SLK: variants seen among roughly 807,000 people sequenced by gnomAD.
SLK encodes STE20 like kinase, also known as STE20-like serine/threonine-protein kinase.
Under a neutral mutation model 147.7 loss-of-function variants are expected in SLK, and 67 were observed. The observed-to-expected ratio is 0.45, with a 90% CI of 0.37 to 0.56. SLK has a LOEUF of 0.56. SLK is among the 20% of genes least tolerant of loss of function. The pLI is 0.00. For missense variants in SLK, 1,136 were observed against 1,438.8 expected, an observed-to-expected ratio of 0.79 and a Z score of 3.41; for synonymous variants, 441 against 475.0, an observed-to-expected ratio of 0.93 and a Z score of 0.93.
At chr10:104,018,615 A>C (rs1451735494) in intron 14 of SLK, among the ~76,000 whole-genome samples, 169 bp from the exon 15 acceptor site, 1 of 152,224 alleles carries the variant, frequency 6.6e-6, no homozygotes, top group African/African-American at 2.4e-5. Context: ...GAAAGAGGTA[A>C]TAGATATTGC....
intron 1 of SLK, among the ~76,000 whole-genome samples, chr10:103,981,656 T>C (rs1843943774): frequency 6.8e-6 from 1 of 147,980 alleles, no homozygotes; most frequent in Admixed American, 6.7e-5. Context: ...CATTAGACCA[T>C]ATATATGCCA....
At chr10:104,005,885 TC>T (rs1219351924) in intron 10 of SLK, 26 bp from the exon 11 acceptor site, 1 of 1,582,070 alleles carries the variant, frequency 6.3e-7, no homozygotes, top group East Asian at 2.2e-5. Flanking sequence ...TGCTGTCTTC[TC>T]TATCATTACC....
intron 1 of SLK, among the ~76,000 whole-genome samples, chr10:103,968,417 T>C (rs1026496329): frequency 2.6e-5 from 4 of 152,198 alleles, no homozygotes; most frequent in African/African-American, 9.7e-5. Context: ...TACTATAAAA[T>C]AGAATGGAAT....
intron 13 of SLK, 57 bp downstream of exon 13, chr10:104,010,965 G>GAT (rs1421348399): frequency 3.7e-6 from 4 of 1,094,720 alleles, no homozygotes; most frequent in Admixed American, 2.9e-5. Context: ...CTCACAGCTT[G>GAT]ATAAACCATG....
intron 4 of SLK, among the ~76,000 whole-genome samples, chr10:103,995,429 T>C (rs956177955): frequency 1.5e-3 from 221 of 144,334 alleles, no homozygotes; most frequent in African/African-American, 4.7e-3. Context: ...TTTTCTTTTT[T>C]TTTTTTTTTT....
chr10:104,019,935 G>A lies in SLK; in HGVS notation c.3321+13G>A. The A allele has an allele frequency of 6.3e-7, 1 of 1,593,266 alleles. No homozygotes were observed. The highest frequency in any genetic ancestry group is 1.1e-5 in the South Asian group (1 of 89,808). On this transcript the variant is annotated intron_variant, in intron 16 of 18. Transcript: ENST00000369755. ...TAAAATTAAACAGGTAAATATGCAA[G>A]TTAGTCTCTTCTCTTTTAGGTTTAA...
At chr10:104,019,191 T>C (rs1284593549) in intron 15 of SLK, 7 of 271,086 alleles carry the variant, frequency 2.6e-5, no homozygotes, top group Admixed American at 5.0e-5. Flanking sequence ...TTTGGCTCTA[T>C]TTGTGGTTCA....
At chr10:103,971,879 C>T (rs1843798120) in intron 1 of SLK, among the ~76,000 whole-genome samples, 1 of 152,200 alleles carries the variant, frequency 6.6e-6, no homozygotes. Flanking sequence ...CCTCTTGCCT[C>T]CTTTCTGTAT....
Position 103,967,874 on chromosome 10 carries a change from A to G in SLK, c.129A>G (p.Gly43=). The G allele has an allele frequency of 6.2e-7, 1 of 1,607,150 alleles. No homozygotes were observed. ...AGATTATAGGAGAACTGGGCGACGGAGCCTTTGGGAAAGTGTACAAGGTAA... is the reference window on the plus strand; with the variant it reads ...AGATTATAGGAGAACTGGGCGACGGGGCCTTTGGGAAAGTGTACAAGGTAA... ...FWEIIGELGD[G]AFGKVYKAQN... is the part of the protein sequence containing the mutation. Residue 43 remains glycine (G), a synonymous_variant, in exon 1 of 19, where the codon GGA becomes GGG. Transcript: ENST00000369755.
intron 4 of SLK, among the ~76,000 whole-genome samples, chr10:103,995,015 G>T (rs1354394599): frequency 6.6e-6 from 1 of 151,876 alleles, no homozygotes; most frequent in Admixed American, 6.6e-5. Context: ...TGTCTTTTGG[G>T]GTTGCAAAAC....
intron 4 of SLK, among the ~76,000 whole-genome samples, chr10:103,998,489 T>G (rs1224574092): frequency 6.6e-6 from 1 of 152,334 alleles, no homozygotes; most frequent in African/African-American, 2.4e-5. Context: ...AGACATACAC[T>G]GTCCTAAAGG....
rs1844624488 is a variant in SLK at position 104,028,296 on chromosome 10, C to G, written c.*2576C>G. On this transcript the variant is annotated 3_prime_UTR_variant, in exon 19 of 19. Coordinates refer to ENST00000369755, the MANE Select transcript of SLK (RefSeq NM_014720.4). Reference sequence around the variant, plus strand: ...TCATCAGCCACCTCCTCCCCTCTTTCCCTGAGTGCTGTGAACACAGCAGAC... The same window carrying G: ...TCATCAGCCACCTCCTCCCCTCTTTGCCTGAGTGCTGTGAACACAGCAGAC... The G allele has an allele frequency of 6.6e-6, 1 of 152,252 alleles. No individual in the cohort carries two copies. Among genetic ancestry groups the G allele is most frequent in the Admixed American group, 6.5e-5 (1 of 15,290 alleles). The allele number at this position is 152,252 out of a possible 1,614,324, so 9.4% of individuals were successfully genotyped here.
chr10:103,972,991 T>C (rs1448323679), intron 1 of SLK, among the ~76,000 whole-genome samples: 1 of 152,186 alleles, frequency 6.6e-6, no homozygotes, highest in African/African-American at 2.4e-5. Context: ...GAGACCTGTC[T>C]TTTCATTCTC....
intron 18 of SLK, among the ~76,000 whole-genome samples, chr10:104,022,648 C>T (rs1844550841): frequency 1.3e-5 from 2 of 152,110 alleles, no homozygotes. Flanking sequence ...CACTCTGTCG[C>T]CCAGGCTGGA....
At chr10:104,005,766 A>C in intron 10 of SLK, 75 bp downstream of exon 10, 2 of 1,512,470 alleles carry the variant, frequency 1.3e-6, no homozygotes, top group Non-Finnish European at 1.8e-6. Context: ...AAGAATAGAG[A>C]AACAAGGGTA....
At chr10:103,980,398 T>A (rs1309750495) in intron 1 of SLK, among the ~76,000 whole-genome samples, 1 of 152,204 alleles carries the variant, frequency 6.6e-6, no homozygotes, top group Non-Finnish European at 1.5e-5. Flanking sequence ...TGGTATTAAA[T>A]ACATTCGTAA....
At chr10:103,998,295 G>A (rs368475231) in intron 4 of SLK, among the ~76,000 whole-genome samples, 2 of 152,190 alleles carry the variant, frequency 1.3e-5, no homozygotes, top group South Asian at 2.1e-4. Context: ...TGCATTTATA[G>A]CATGAGGTGA....
intron 12 of SLK, among the ~76,000 whole-genome samples, chr10:104,009,926 A>G (rs915486382): frequency 6.6e-5 from 10 of 152,142 alleles, no homozygotes; most frequent in South Asian, 4.1e-4. Context: ...CGGACCATCA[A>G]TAGCATGTGG....
intron 1 of SLK, among the ~76,000 whole-genome samples, chr10:103,986,163 A>G (rs1421079763): frequency 6.6e-6 from 1 of 151,998 alleles, no homozygotes; most frequent in African/African-American, 2.4e-5. Context: ...GGATGCGGGG[A>G]TGTTTTGGGG....
Sources: gnomAD v4.1 joint callset for allele counts (sites outside exome capture counted in the v4.1 genomes callset) on GRCh38, gnomAD v4.1.1 for gene constraint, MANE v1.5 for transcripts, NCBI Gene and HGNC (gene_info 2026-07-23, HGNC 2026-07-21) for gene names.